The following FGF14 variants were observed in gnomAD, a reference collection of about 807,000 sequenced individuals.
The protein encoded by FGF14 is fibroblast growth factor homologous factor 4.
Under a neutral mutation model 25.5 loss-of-function variants are expected in FGF14, and 5 were observed. That is an observed-to-expected ratio of 0.20 (90% confidence interval 0.10 to 0.41). The LOEUF (loss-of-function observed/expected upper bound fraction) is 0.41. FGF14 is among the 10% of genes least tolerant of loss of function. The pLI, the probability that FGF14 is intolerant of heterozygous loss-of-function variation, is 1.00. For missense variants in FGF14, 222 were observed against 320.1 expected (o/e 0.69, Z 2.34); for synonymous variants, 138 against 118.3 (o/e 1.17, Z -1.08).
chr13:101,912,288 AC>A (rs1212128833), intron 1 of FGF14, among the ~76,000 whole-genome samples: 1 of 152,302 alleles, frequency 6.6e-6, no homozygotes, highest in East Asian at 1.9e-4. Context: ...AAGCCCAGGC[AC>A]CTGCTGATTA....
At chr13:102,197,082 C>T (rs763915457) in intron 1 of FGF14, among the ~76,000 whole-genome samples, 6 of 151,822 alleles carry the variant, frequency 4.0e-5, no homozygotes, top group Non-Finnish European at 8.8e-5. Context: ...AGGATGGGTT[C>T]TCAGGACACA....
At chr13:101,927,668 C>G (rs2034457681) in intron 1 of FGF14, among the ~76,000 whole-genome samples, 1 of 152,168 alleles carries the variant, frequency 6.6e-6, no homozygotes, top group South Asian at 2.1e-4. Flanking sequence ...GGAGTTGCCC[C>G]TTTCTGGCCT....
intron 3 of FGF14, among the ~76,000 whole-genome samples, chr13:101,731,330 T>G (rs3918324): frequency 0.16 from 25,068 of 152,124 alleles, 2,725 homozygotes; most frequent in Admixed American, 0.27. Context: ...TGATGTATCT[T>G]TTTCTCACCT....
At chr13:101,969,280 T>C (rs927572784) in intron 1 of FGF14, among the ~76,000 whole-genome samples, 1 of 152,176 alleles carries the variant, frequency 6.6e-6, no homozygotes, top group Non-Finnish European at 1.5e-5. Context: ...CGGTATAGTC[T>C]AGGCTGGGTG....
intron 1 of FGF14, among the ~76,000 whole-genome samples, chr13:101,886,814 C>G (rs1303612355): frequency 6.6e-6 from 1 of 152,024 alleles, no homozygotes; most frequent in Non-Finnish European, 1.5e-5. Context: ...GATTAATAAC[C>G]AGAATATATA....
chr13:102,073,675 T>C (rs1311845207), intron 1 of FGF14, among the ~76,000 whole-genome samples: 1 of 152,240 alleles, frequency 6.6e-6, no homozygotes, highest in Non-Finnish European at 1.5e-5. Context: ...AAATCTTTCA[T>C]GCTAACTGGG....
intron 1 of FGF14, among the ~76,000 whole-genome samples, chr13:102,399,906 C>G (rs2058662812): frequency 6.6e-6 from 1 of 152,134 alleles, no homozygotes. Context: ...AATTGCCACC[C>G]CAAAGTACCA....
intron 1 of FGF14, among the ~76,000 whole-genome samples, chr13:102,309,428 C>G (rs554245179): frequency 6.6e-6 from 1 of 152,294 alleles, no homozygotes; most frequent in South Asian, 2.1e-4. Flanking sequence ...CTAACCAGCC[C>G]TGGGAAGTGC....
At chr13:102,298,428 T>C (rs956307313) in intron 1 of FGF14, among the ~76,000 whole-genome samples, 1 of 152,218 alleles carries the variant, frequency 6.6e-6, no homozygotes, top group Non-Finnish European at 1.5e-5. Context: ...TGTCCTGTTT[T>C]ACTCTCTATT....
At chr13:102,088,431 T>C (rs776905234) in intron 1 of FGF14, among the ~76,000 whole-genome samples, 1 of 152,330 alleles carries the variant, frequency 6.6e-6, no homozygotes, top group South Asian at 2.1e-4. Context: ...TAAAAGTTCA[T>C]GTTACAATGT....
chr13:102,080,260 GCTGGAGTTATGCA>G (rs1445891014), intron 1 of FGF14, among the ~76,000 whole-genome samples: 2 of 152,152 alleles, frequency 1.3e-5, no homozygotes, highest in Admixed American at 6.5e-5. Flanking sequence ...GATGACTTGG[GCTGGAGTTATGCA>G]GTGGAGGTGG....
chr13:101,943,826 A>ATAT (rs1248619839), intron 1 of FGF14, among the ~76,000 whole-genome samples: 71 of 126,798 alleles, frequency 5.6e-4, no homozygotes, highest in African/African-American at 1.8e-3. Context: ...AAAAAAAAAA[A>ATAT]ATATATATAT....
At chr13:102,297,976 C>T (rs2054817171) in intron 1 of FGF14, among the ~76,000 whole-genome samples, 2 of 152,214 alleles carry the variant, frequency 1.3e-5, no homozygotes, top group East Asian at 3.9e-4. Flanking sequence ...GTCTCAACAA[C>T]ACATGGCCGT....
At chr13:102,386,251 G>A (rs2058299869) in intron 1 of FGF14, among the ~76,000 whole-genome samples, 1 of 150,946 alleles carries the variant, frequency 6.6e-6, no homozygotes, top group African/African-American at 2.4e-5. Flanking sequence ...TCCTGCCTCA[G>A]CTTCCCAAGT....
chr13:101,900,036 T>C (rs1390354254), intron 1 of FGF14, among the ~76,000 whole-genome samples: 1 of 152,136 alleles, frequency 6.6e-6, no homozygotes, highest in Non-Finnish European at 1.5e-5. Context: ...AATTTTTTGT[T>C]ATAAAAAGAT....
At chr13:101,945,966 A>G (rs2035778226) in intron 1 of FGF14, among the ~76,000 whole-genome samples, 2 of 152,180 alleles carry the variant, frequency 1.3e-5, no homozygotes, top group Non-Finnish European at 1.5e-5. Context: ...TCCCATCCCT[A>G]CACTCTGAAT....
chr13:102,309,821 T>C (rs2055635027), intron 1 of FGF14, among the ~76,000 whole-genome samples: 1 of 152,174 alleles, frequency 6.6e-6, no homozygotes, highest in African/African-American at 2.4e-5. Flanking sequence ...TCATATATGA[T>C]GGCAGGGACC....
intron 3 of FGF14, among the ~76,000 whole-genome samples, chr13:101,824,446 G>A (rs770594591): frequency 2.6e-5 from 4 of 151,982 alleles, no homozygotes; most frequent in Admixed American, 1.3e-4. Context: ...TTACTTCTTC[G>A]TTTTCTCTCC....
At chr13:101,978,800 T>C (rs1255500461) in intron 1 of FGF14, among the ~76,000 whole-genome samples, 1 of 152,164 alleles carries the variant, frequency 6.6e-6, no homozygotes, top group Non-Finnish European at 1.5e-5. Context: ...AGCATGACAG[T>C]ACCTTTGATA....
Sources: allele counts gnomAD v4.1 joint callset (sites outside exome capture counted in the v4.1 genomes callset), GRCh38; gene constraint gnomAD v4.1.1; transcripts MANE v1.5; gene names NCBI Gene and HGNC (gene_info 2026-07-23, HGNC 2026-07-21).